KRT8: variants seen among roughly 807,000 people sequenced by gnomAD.
KRT8 encodes the protein keratin 8.
Under a neutral mutation model 43.0 loss-of-function variants are expected in KRT8, and 24 were observed. The ratio of observed to expected loss-of-function variants is 0.56; its 90% CI spans 0.40 to 0.78. The LOEUF (loss-of-function observed/expected upper bound fraction) is 0.78. Among genes scored for constraint, KRT8 ranks in the 30% least tolerant of loss-of-function variants. The pLI, the probability that KRT8 is intolerant of heterozygous loss-of-function variation, is 0.00. For missense variants in KRT8, 492 were observed against 638.4 expected, an observed-to-expected ratio of 0.77 and a Z score of 2.47; for synonymous variants, 214 against 261.2, an observed-to-expected ratio of 0.82 and a Z score of 1.74.
At chr12:52,944,695 C>T (rs1342222178) in intron 2 of KRT8, among the ~76,000 whole-genome samples, 1 of 152,196 alleles carries the variant, frequency 6.6e-6, no homozygotes, top group Non-Finnish European at 1.5e-5. Context: ...CTGACCCTTC[C>T]TCTTCCTTTA....
chr12:52,900,885 C>A, intron 3 of KRT8: 1 of 638,564 alleles, frequency 1.6e-6, no homozygotes, highest in South Asian at 1.8e-5. Flanking sequence ...AACACACCCT[C>A]TTCCACCTCC....
At chr12:52,944,551 G>A (rs927463203) in intron 2 of KRT8, among the ~76,000 whole-genome samples, 4 of 152,224 alleles carry the variant, frequency 2.6e-5, no homozygotes, top group African/African-American at 9.6e-5. Context: ...ATGGGCAAAG[G>A]ACATAAGCAC....
chr12:52,949,261 A>C, intron 2 of KRT8: 1 of 1,611,188 alleles, frequency 6.2e-7, no homozygotes, highest in Non-Finnish European at 8.5e-7. Context: ...CCGGCCGGTC[A>C]GCAGCGCGGC....
At position 52,913,885 on chromosome 12, in the gene KRT8, TACAG is replaced by T. The variant is rs1303099173; in HGVS notation, c.-46-8862_-46-8859del. 1.1e-4 allele frequency among the ~76,000 whole-genome samples: 17 copies of T among 152,352 alleles called. No individual in the cohort carries two copies. In the South Asian group the frequency reaches 3.5e-3, roughly 32 times the overall value. Reference sequence around the variant, plus strand: ...ACAGGTTTGTTTGTTTTTTCTTTTATACAGACAGAGGTTTCACTATATTGCCCAG... The same window carrying T: ...ACAGGTTTGTTTGTTTTTTCTTTTATACAGAGGTTTCACTATATTGCCCAG... On this transcript the variant is annotated intron_variant, in intron 2 of 6. Coordinates refer to the KRT8 transcript ENST00000546826.
chr12:52,904,592 T>A, intron 1 of KRT8, 66 bp downstream of exon 1: 1 of 1,454,358 alleles, frequency 6.9e-7, no homozygotes, highest in Non-Finnish European at 9.6e-7. Flanking sequence ...GAGATGTGCA[T>A]AGGGACCGGG....
chr12:52,909,910 C>G (rs562455037), upstream of KRT8, among the ~76,000 whole-genome samples: 1 of 152,292 alleles, frequency 6.6e-6, no homozygotes, highest in East Asian at 1.9e-4. Flanking sequence ...ACAAGCCCAG[C>G]AGCCTGAAGA....
intron 2 of KRT8, among the ~76,000 whole-genome samples, chr12:52,941,565 C>T (rs192327009): frequency 1.4e-4 from 21 of 148,716 alleles, no homozygotes; most frequent in African/African-American, 5.0e-4. Flanking sequence ...CTCAGCTCAC[C>T]GCAACCTCCA....
intron 1 of KRT8, among the ~76,000 whole-genome samples, chr12:52,903,185 T>C (rs533767188): frequency 1.3e-5 from 2 of 152,212 alleles, no homozygotes; most frequent in African/African-American, 2.4e-5. Flanking sequence ...TAATGGAATG[T>C]GGGCCAAGCA....
At chr12:52,928,472 A>C (rs948317381) in intron 2 of KRT8, among the ~76,000 whole-genome samples, 1 of 152,040 alleles carries the variant, frequency 6.6e-6, no homozygotes, top group African/African-American at 2.4e-5. Context: ...TCTGATCCAC[A>C]CACCCCTCCC....
In KRT8 at chr12:52,949,142, T is replaced by C. The variant is rs199517515; in HGVS notation, c.-47+314A>G. The C allele has an allele frequency of 1.3e-4, 213 of 1,600,746 alleles. 1 individual carries two copies. The African/African-American group carries it at 2.6e-3, about 20-fold the overall frequency. ...GGCCGCCACCGTCGTCCGCAAAGCC[T>C]GAGTCCTGTCCTTTCTCTCTCCCCG... On this transcript the variant is annotated intron_variant, in intron 2 of 6. Coordinates refer to the KRT8 transcript ENST00000546826.
At chr12:52,924,134 G>C (rs181056801) in intron 2 of KRT8, among the ~76,000 whole-genome samples, 1 of 152,006 alleles carries the variant, frequency 6.6e-6, no homozygotes, top group Non-Finnish European at 1.5e-5. Flanking sequence ...CACCACACCC[G>C]GCCAAAAGCA....
intron 5 of KRT8, chr12:52,899,112 AG>A (rs1255343921): frequency 1.8e-6 from 1 of 559,110 alleles, no homozygotes; most frequent in Non-Finnish European, 3.2e-6. Context: ...CAGGAGATCG[AG>A]GCCATCCTGG....
chr12:52,939,875 C>G (rs914657274), intron 2 of KRT8, among the ~76,000 whole-genome samples: 2 of 150,720 alleles, frequency 1.3e-5, no homozygotes, highest in Admixed American at 1.3e-4. Flanking sequence ...CACTTGGGGT[C>G]AGGAGCTCAG....
chr12:52,918,036 G>GAAGA, intron 2 of KRT8, among the ~76,000 whole-genome samples: 1 of 113,204 alleles, frequency 8.8e-6, no homozygotes, highest in East Asian at 2.8e-4. Flanking sequence ...AGAGGAGGAG[G>GAAGA]AGAAGAAGAA....
chr12:52,949,230 C>A lies in KRT8; in HGVS notation c.-47+226G>T, dbSNP rs780920567. ...CCAACTACCGGTCCCTGGGCTCTGT[C>A]CAGGCGCCCAGCTACGGCGCCCGGC... On this transcript the variant is annotated intron_variant, in intron 2 of 6. Transcript: ENST00000546826. The A allele has an allele frequency of 7.4e-6, 12 of 1,611,494 alleles. No homozygotes were observed. The Admixed American group carries it at 1.8e-4, about 25-fold the overall frequency.
chr12:52,946,078 G>A (rs917117816), intron 2 of KRT8, among the ~76,000 whole-genome samples: 1 of 152,148 alleles, frequency 6.6e-6, no homozygotes, highest in South Asian at 2.1e-4. Context: ...TGTGGCCATC[G>A]ACATCAGTAG....
At chr12:52,907,248 G>T (rs182801839), upstream of KRT8, among the ~76,000 whole-genome samples, 1 of 152,096 alleles carries the variant, frequency 6.6e-6, no homozygotes. Flanking sequence ...ACAAACACCC[G>T]CACCCACCAG....
At chr12:52,947,555 A>T (rs1371016137) in intron 2 of KRT8, 1 of 152,206 alleles carries the variant, frequency 6.6e-6, no homozygotes, top group East Asian at 1.9e-4. Flanking sequence ...ATCTTGGCTC[A>T]CTGCAACCTC....
intron 2 of KRT8, among the ~76,000 whole-genome samples, chr12:52,916,136 G>A (rs1440440074): frequency 6.6e-6 from 1 of 152,166 alleles, no homozygotes; most frequent in African/African-American, 2.4e-5. Context: ...TCAGAGGCCA[G>A]ACAGAGCTTT....
Sources: allele counts gnomAD v4.1 joint callset (sites outside exome capture counted in the v4.1 genomes callset), GRCh38; gene constraint gnomAD v4.1.1; transcripts MANE v1.5; gene names NCBI Gene and HGNC (gene_info 2026-07-23, HGNC 2026-07-21).